Variants in FGGY observed in about 807,000 individuals in gnomAD.
FGGY encodes the protein FGGY carbohydrate kinase domain-containing protein.
FGGY carries 72 observed loss-of-function variants against 71.3 expected under a neutral mutation model. That is an observed-to-expected ratio of 1.01 (90% CI 0.84 to 1.23). The LOEUF (loss-of-function observed/expected upper bound fraction) is 1.23, where lower values mean the gene tolerates loss of function less well. FGGY is among the 50% of genes most tolerant of loss of function. The probability of loss-of-function intolerance (pLI) is 0.00; values close to 1 mark genes in which losing one functional copy is unlikely to be tolerated. For missense variants in FGGY, 668 were observed against 682.3 expected (o/e 0.98, Z 0.23); for synonymous variants, 251 against 250.3 (o/e 1.00, Z -0.02).
intron 10 of FGGY, among the ~76,000 whole-genome samples, chr1:59,628,722 T>C (rs1029932711): frequency 2.0e-5 from 3 of 152,168 alleles, no homozygotes; most frequent in Admixed American, 2.0e-4. Context: ...TAAGATATTT[T>C]TATAGAATTA....
At chr1:59,545,268 C>G (rs1358756787) in intron 7 of FGGY, among the ~76,000 whole-genome samples, 1 of 152,172 alleles carries the variant, frequency 6.6e-6, no homozygotes, top group African/African-American at 2.4e-5. Flanking sequence ...TTTCAGGAAG[C>G]ATTTGTGTGC....
At chr1:59,446,252 G>C (rs984363742) in intron 5 of FGGY, among the ~76,000 whole-genome samples, 4 of 152,052 alleles carry the variant, frequency 2.6e-5, no homozygotes, top group African/African-American at 9.7e-5. Context: ...TTTGTTTTCT[G>C]ACTCTTAGAT....
At chr1:59,496,144 C>A (rs2094023537) in intron 6 of FGGY, among the ~76,000 whole-genome samples, 1 of 152,154 alleles carries the variant, frequency 6.6e-6, no homozygotes, top group South Asian at 2.1e-4. Flanking sequence ...TTATTTGTGT[C>A]ATCTCTGATT....
chr1:59,692,014 C>T (rs1411124789), intron 14 of FGGY, among the ~76,000 whole-genome samples: 1 of 152,078 alleles, frequency 6.6e-6, no homozygotes, highest in Non-Finnish European at 1.5e-5. Flanking sequence ...AACAAATACC[C>T]CCAAGGTACA....
chr1:59,378,278 C>A (rs188970362), intron 4 of FGGY, among the ~76,000 whole-genome samples: 1 of 151,944 alleles, frequency 6.6e-6, no homozygotes, highest in Non-Finnish European at 1.5e-5. Flanking sequence ...TTTCCCCATG[C>A]TGTTCTCGTG....
At chr1:59,647,743 T>C (rs1461240745) in intron 11 of FGGY, among the ~76,000 whole-genome samples, 5 of 130,470 alleles carry the variant, frequency 3.8e-5, no homozygotes, top group African/African-American at 1.7e-4. Context: ...GCCACCATCT[T>C]TTTTTTTTTT....
chr1:59,643,333 G>A (rs2097057049), intron 11 of FGGY, among the ~76,000 whole-genome samples: 1 of 152,044 alleles, frequency 6.6e-6, no homozygotes, highest in Admixed American at 6.6e-5. Flanking sequence ...AGACTACACA[G>A]GCACATGTCA....
chr1:59,733,776 A>G (rs771429365), intron 14 of FGGY, among the ~76,000 whole-genome samples: 4 of 152,214 alleles, frequency 2.6e-5, no homozygotes, highest in Non-Finnish European at 5.9e-5. Flanking sequence ...AGCCGTAAGG[A>G]CAAACCCTCA....
intron 4 of FGGY, among the ~76,000 whole-genome samples, chr1:59,377,110 T>TTAGTC (rs1557726013): frequency 6.6e-6 from 1 of 152,144 alleles, no homozygotes; most frequent in East Asian, 1.9e-4. Flanking sequence ...TAGTTTCTGC[T>TTAGTC]TGGCAGCTGA....
intron 7 of FGGY, among the ~76,000 whole-genome samples, chr1:59,547,742 CA>C (rs1295235316): frequency 4.6e-5 from 7 of 152,200 alleles, no homozygotes; most frequent in Non-Finnish European, 1.0e-4. Context: ...CCAGTAATTA[CA>C]TTATTACCCA....
intron 5 of FGGY, among the ~76,000 whole-genome samples, chr1:59,393,473 C>T (rs2060943353): frequency 2.0e-5 from 3 of 152,170 alleles, no homozygotes; most frequent in Admixed American, 2.0e-4. Context: ...AGCCTCACTA[C>T]AAGTTCTGTG....
At chr1:59,744,346 A>G (rs1207938) in intron 14 of FGGY, among the ~76,000 whole-genome samples, 127,151 of 152,120 alleles carry the variant, frequency 0.84, 53,167 homozygotes, top group African/African-American at 0.87. Context: ...TCAGCCTCCC[A>G]AGTAGCTGGG....
intron 6 of FGGY, among the ~76,000 whole-genome samples, chr1:59,462,638 G>A (rs928654858): frequency 6.6e-6 from 1 of 152,182 alleles, no homozygotes; most frequent in African/African-American, 2.4e-5. Flanking sequence ...CCATCAGCAA[G>A]TGGGCAAAGG....
chr1:59,468,137 A>C (rs1374254512), intron 6 of FGGY, among the ~76,000 whole-genome samples: 4 of 152,076 alleles, frequency 2.6e-5, no homozygotes, highest in Non-Finnish European at 5.9e-5. Context: ...TCTCGACCTC[A>C]AGTGATCCGC....
intron 5 of FGGY, among the ~76,000 whole-genome samples, chr1:59,397,916 T>C (rs2061509716): frequency 6.6e-6 from 1 of 152,208 alleles, no homozygotes; most frequent in Admixed American, 6.5e-5. Context: ...ACCTTTGAAA[T>C]AGCATCTACT....
intron 6 of FGGY, among the ~76,000 whole-genome samples, chr1:59,503,618 T>TATATAA (rs1491270217): frequency 8.3e-5 from 12 of 143,754 alleles, no homozygotes; most frequent in Admixed American, 4.9e-4. Flanking sequence ...TATATATATA[T>TATATAA]AAAATATGTA....
chr1:59,474,242 C>T (rs928240383), intron 6 of FGGY: 4 of 152,224 alleles, frequency 2.6e-5, no homozygotes, highest in South Asian at 2.1e-4. Flanking sequence ...AATGTTCCTC[C>T]TTTCAATACG....
Position 59,629,194 on chromosome 1 carries a change from A to G in FGGY, c.1073+3145A>G, listed in dbSNP as rs1175217986. Among the ~76,000 whole-genome samples the G allele has an allele frequency of 2.0e-4, 30 of 152,030 alleles. 1 individual carries two copies. Among genetic ancestry groups the G allele is most frequent in the Non-Finnish European group, 2.9e-5 (2 of 68,010 alleles). On this transcript the variant is annotated intron_variant, in intron 10 of 15. Transcript: ENST00000303721. ...ACAAACCTGTACATTGTGTACATGT[A>G]CCCTGGAACTTAAATAAAAAATGAA...
intron 5 of FGGY, among the ~76,000 whole-genome samples, chr1:59,390,450 T>C (rs1311737555): frequency 6.6e-6 from 1 of 152,158 alleles, no homozygotes; most frequent in African/African-American, 2.4e-5. Context: ...GAAGTTTCCA[T>C]TATCAAGTCC....
Sources: gnomAD v4.1 joint callset for allele counts (sites outside exome capture counted in the v4.1 genomes callset) on GRCh38, gnomAD v4.1.1 for gene constraint, MANE v1.5 for transcripts, NCBI Gene and HGNC (gene_info 2026-07-23, HGNC 2026-07-21) for gene names.